The following SIK2 variants were observed in gnomAD, a reference collection of about 807,000 sequenced individuals.
SIK2 encodes the protein salt inducible kinase 2, also known as serine/threonine-protein kinase SIK2.
A neutral mutation model predicts 103.2 loss-of-function variants in SIK2; 29 were observed. That is an observed-to-expected ratio of 0.28 (90% CI 0.21 to 0.38). The LOEUF (loss-of-function observed/expected upper bound fraction) is 0.38. SIK2 is among the 10% of genes least tolerant of loss of function. SIK2 has a pLI of 1.00. For missense variants in SIK2, 879 were observed against 1,171.0 expected, an observed-to-expected ratio of 0.75 and a Z score of 3.64; for synonymous variants, 412 against 446.1, an observed-to-expected ratio of 0.92 and a Z score of 0.96.
chr11:111,687,852 A>C, intron 3 of SIK2, 149 bp from the exon 4 acceptor site: 1 of 677,414 alleles, frequency 1.5e-6, no homozygotes, highest in South Asian at 1.9e-5. Context: ...TGATCTGCCC[A>C]CCTCAGCCTC....
At chr11:111,702,459 T>C (rs1439635139) in intron 6 of SIK2, among the ~76,000 whole-genome samples, 2 of 152,126 alleles carry the variant, frequency 1.3e-5, no homozygotes, top group Non-Finnish European at 2.9e-5. Context: ...TGTGGTGGCA[T>C]GCACCTGTAG....
chr11:111,726,476 G>C lies in SIK2; in HGVS notation c.*2347G>C, dbSNP rs367752441. ...CGTGGACACCGGCCTGATGCAGAGC[G>C]TGACCCCTCCTGCTGGGACCTGTGT... On this transcript the variant is annotated 3_prime_UTR_variant, in exon 15 of 15. Coordinates refer to ENST00000304987, the MANE Select transcript of SIK2 (RefSeq NM_015191.3). 6.4e-6 allele frequency: 1 copy of C among 156,520 alleles called. No individual in the cohort carries two copies. The highest frequency in any genetic ancestry group is 1.4e-5 in the Non-Finnish European group (1 of 70,390). 9.7% of individuals were successfully genotyped at this position (156,520 alleles called of 1,614,324 possible).
intron 3 of SIK2, among the ~76,000 whole-genome samples, chr11:111,648,902 C>G (rs1356861099): frequency 2.6e-5 from 4 of 152,092 alleles, no homozygotes; most frequent in African/African-American, 9.7e-5. Context: ...GCATGTAGAT[C>G]TTTTGGAGAA....
At chr11:111,623,794 A>G (rs974274831) in intron 3 of SIK2, among the ~76,000 whole-genome samples, 2 of 152,206 alleles carry the variant, frequency 1.3e-5, no homozygotes, top group Non-Finnish European at 2.9e-5. Context: ...TGAGTGCTCA[A>G]GGGACGGATC....
intron 3 of SIK2, among the ~76,000 whole-genome samples, chr11:111,651,516 C>T (rs570262834): frequency 6.6e-6 from 1 of 152,252 alleles, no homozygotes; most frequent in South Asian, 2.1e-4. Flanking sequence ...GAACCACACA[C>T]CCTGGTGCCT....
At chr11:111,712,499 T>C (rs1020328708) in intron 9 of SIK2, 124 bp downstream of exon 9, 1 of 1,020,916 alleles carries the variant, frequency 9.8e-7, no homozygotes, top group Non-Finnish European at 1.4e-6. Context: ...GGAGTGATGC[T>C]TTTGTGGAGA....
chr11:111,700,865 C>T, intron 4 of SIK2, 21 bp from the exon 5 acceptor site: 1 of 1,612,364 alleles, frequency 6.2e-7, no homozygotes, highest in Non-Finnish European at 8.5e-7. Flanking sequence ...ATGAAAATAA[C>T]ATTTATTTCC....
chr11:111,646,087 CAT>C (rs950220268), intron 3 of SIK2, among the ~76,000 whole-genome samples: 5 of 152,100 alleles, frequency 3.3e-5, no homozygotes, highest in Admixed American at 3.3e-4. Context: ...TGTGCGCGCA[CAT>C]GAGTGTATGT....
At chr11:111,644,692 G>A (rs573481765) in intron 3 of SIK2, among the ~76,000 whole-genome samples, 3 of 152,250 alleles carry the variant, frequency 2.0e-5, no homozygotes, top group East Asian at 1.9e-4. Flanking sequence ...TTGCTGCCAC[G>A]TTGTATGAGG....
At chr11:111,669,330 T>C (rs1196968298) in intron 3 of SIK2, among the ~76,000 whole-genome samples, 1 of 152,234 alleles carries the variant, frequency 6.6e-6, no homozygotes, top group Non-Finnish European at 1.5e-5. Flanking sequence ...GTCAGAAAAA[T>C]TGTTGCTACT....
chr11:111,614,820 A>G (rs1006035905), intron 1 of SIK2, among the ~76,000 whole-genome samples: 4 of 152,178 alleles, frequency 2.6e-5, no homozygotes, highest in African/African-American at 7.2e-5. Flanking sequence ...TTGAGCTGTC[A>G]TAGCATGTGC....
chr11:111,644,983 G>A (rs886703763), intron 3 of SIK2, among the ~76,000 whole-genome samples: 1 of 152,122 alleles, frequency 6.6e-6, no homozygotes, highest in Non-Finnish European at 1.5e-5. Context: ...TTCAGTCACT[G>A]TTCATGTGCA....
At chr11:111,685,112 C>T (rs1247456567) in intron 3 of SIK2, among the ~76,000 whole-genome samples, 4 of 152,210 alleles carry the variant, frequency 2.6e-5, no homozygotes, top group Admixed American at 1.3e-4. Flanking sequence ...GCCGCAGTCC[C>T]CAACCTTTTA....
Position 111,705,966 on chromosome 11 carries a change from A to G in SIK2, c.1101+827A>G, listed in dbSNP as rs1228595530. Among the ~76,000 whole-genome samples, 1 of 152,206 alleles carries G rather than the reference A, an allele frequency of 6.6e-6. No individual in the cohort carries two copies. The highest frequency in any genetic ancestry group is 2.4e-5 in the African/African-American group (1 of 41,466). ...AAGGGGCAAGTATAAGAACCATCTT[A>G]GAGGTAGACTCTGTATGAAGTTAGC... On this transcript the variant is annotated intron_variant, in intron 8 of 14. Coordinates refer to ENST00000304987, the MANE Select transcript of SIK2 (RefSeq NM_015191.3). This position sits in a 1 kb window ranked among gnomAD's most constrained non-coding sequence, Gnocchi z 4.3.
intron 1 of SIK2, 33 bp from the exon 2 acceptor site, chr11:111,616,210 A>G (rs369681978): frequency 7.6e-5 from 106 of 1,392,968 alleles, no homozygotes; most frequent in Non-Finnish European, 1.0e-4. Context: ...ACTATTGTAT[A>G]CTAATTGTAT....
chr11:111,633,849 G>C (rs1295857626), intron 3 of SIK2, among the ~76,000 whole-genome samples: 3 of 152,198 alleles, frequency 2.0e-5, no homozygotes, highest in African/African-American at 7.2e-5. Flanking sequence ...AATGGCAAAT[G>C]AATTTGCTTA....
intron 8 of SIK2, among the ~76,000 whole-genome samples, chr11:111,711,484 A>T (rs1943494343): frequency 6.6e-6 from 1 of 152,214 alleles, no homozygotes; most frequent in Non-Finnish European, 1.5e-5. Flanking sequence ...AACAAACGAG[A>T]CGTGAGAACA....
intron 1 of SIK2, among the ~76,000 whole-genome samples, chr11:111,610,090 T>C (rs909391267): frequency 6.6e-6 from 1 of 152,246 alleles, no homozygotes; most frequent in Non-Finnish European, 1.5e-5. Flanking sequence ...TTTTTGGCTT[T>C]AATCTGTGGA....
Position 111,726,818 on chromosome 11 carries a change from T to C in SIK2, c.*2689T>C. The C allele has an allele frequency of 1.4e-6, 1 of 700,638 alleles. No homozygotes were observed. The highest frequency in any genetic ancestry group is 2.5e-6 in the Non-Finnish European group (1 of 397,920). The allele number at this position is 700,638 out of a possible 1,614,324, so 43.4% of individuals were successfully genotyped here. ...TTCACGTTAGCAGTGTGTACACTAC[T>C]GTATCATCATCAGCTTCATCACCCT... On this transcript the variant is annotated 3_prime_UTR_variant, in exon 15 of 15. Transcript: ENST00000304987.
Sources: gnomAD v4.1 joint callset for allele counts (sites outside exome capture counted in the v4.1 genomes callset) on GRCh38, gnomAD v4.1.1 for gene constraint, Gnocchi (gnomAD v3.1) non-coding constraint, MANE v1.5 for transcripts, NCBI Gene and HGNC (gene_info 2026-07-23, HGNC 2026-07-21) for gene names.